Variants in SPIN3 observed in about 807,000 individuals in gnomAD.
The protein encoded by SPIN3 is spindlin family member 3.
For missense variants in SPIN3, 176 were observed against 196.4 expected (o/e 0.90, Z 0.62); for synonymous variants, 74 against 74.3 (o/e 1.00, Z 0.02).
At chrX:56,990,319 T>C (rs192405054), downstream of SPIN3, among the ~76,000 whole-genome samples, 100 of 111,742 alleles carry the variant, frequency 8.9e-4, no homozygotes, top group African/African-American at 3.2e-3. Flanking sequence ...ATTCAAACTA[T>C]GCCTGAAGCC....
chrX:56,994,348 C>A lies in SPIN3; in HGVS notation c.600G>T (p.Arg200Ser), dbSNP rs1179605923. 2 of 1,209,959 alleles carry A rather than the reference C, an allele frequency of 1.7e-6. No homozygotes were observed. The highest frequency in any genetic ancestry group is 3.5e-5 in the African/African-American group (2 of 57,149). The change falls in exon 2 of 2, where the codon AGG (arginine) becomes AGT (serine). Residue 200 changes from arginine to serine, a missense_variant. Arg to Ser is a moderately radical substitution (Grantham distance 110, BLOSUM62 -1). Coordinates refer to ENST00000374919, the MANE Select transcript of SPIN3 (RefSeq NM_001010862.3). ...GGCTGTCTATGACTTCTCCTGGCTC[C>A]CTCTCTGCCAGAGGAGAATCATTGG... Reference protein sequence around the residue: ...QDSNDSPLAEREPGEVIDSLV... With the variant: ...QDSNDSPLAESEPGEVIDSLV...
At chrX:56,988,310 A>G (rs1343261724), downstream of SPIN3, among the ~76,000 whole-genome samples, 1 of 111,346 alleles carries the variant, frequency 9.0e-6, no homozygotes, top group Non-Finnish European at 1.9e-5. Flanking sequence ...AGACGTGGGT[A>G]ATTTGGAACT....
intron 3 of SPIN3, chrX:56,981,903 G>A (rs1375400200): frequency 1.8e-5 from 2 of 111,555 alleles, no homozygotes; most frequent in Non-Finnish European, 3.8e-5. Flanking sequence ...GAATTAATGG[G>A]TCCAAAAGGA....
chrX:56,980,275 A>G (rs1475804751), intron 3 of SPIN3: 1 of 111,351 alleles, frequency 9.0e-6, no homozygotes, highest in Non-Finnish European at 1.9e-5. Context: ...AAAATCCCAA[A>G]CTAACAATTA....
chrX:56,988,141 C>T (rs1289438993), downstream of SPIN3, among the ~76,000 whole-genome samples: 1 of 111,390 alleles, frequency 9.0e-6, no homozygotes, highest in Non-Finnish European at 1.9e-5. Flanking sequence ...ACTTATTCCA[C>T]CCTTTCTTGG....
rs1254765744 is a variant in SPIN3, at chrX:56,994,008, AG to A, written c.*162del. 2.1e-6 allele frequency: 1 copy of A among 470,344 alleles called. No individual in the cohort carries two copies. The highest frequency in any genetic ancestry group is 3.4e-6 in the Non-Finnish European group (1 of 291,677). The allele number at this position is 470,344 out of a possible 1,213,427, so 38.8% of individuals were successfully genotyped here. On this transcript the variant is annotated 3_prime_UTR_variant, in exon 2 of 2. Coordinates refer to ENST00000374919, the MANE Select transcript of SPIN3 (RefSeq NM_001010862.3). ...TGAAAAGGTTGGACAGATGGGCAAA[AG>A]GTTTCTTCCAAAAACGTATGAGAGG...
chrX:56,977,947 A>G (rs1924039768), intron 5 of SPIN3: 1 of 112,061 alleles, frequency 8.9e-6, no homozygotes, highest in African/African-American at 3.2e-5. Flanking sequence ...CAGAACTGTA[A>G]GAAATACATT....
chrX:56,984,555 G>T, intron 2 of SPIN3: 1 of 321,683 alleles, frequency 3.1e-6, no homozygotes, highest in Admixed American at 3.3e-5. Flanking sequence ...GTCACAAAGA[G>T]ATTTATGGGA....
At chrX:56,980,536 G>T (rs1924093906) in intron 3 of SPIN3, 1 of 110,039 alleles carries the variant, frequency 9.1e-6, no homozygotes. Flanking sequence ...GAAAAAAATG[G>T]GGTTGGAATA....
chrX:56,994,439 G>A lies in SPIN3; in HGVS notation c.509C>T (p.Pro170Leu). The A allele has an allele frequency of 1.7e-6, 2 of 1,211,580 alleles. No homozygotes were observed. Reference sequence around the variant, plus strand: ...TAAGAGCTGGTACATATATAATACAGGATCTTTCTCATAGGTAATGTAAAA... The same window carrying A: ...TAAGAGCTGGTACATATATAATACAAGATCTTTCTCATAGGTAATGTAAAA... The part of the protein sequence containing the change: ...TWFYITYEKD[P>L]VLYMYQLLDD... Residue 170 changes from proline (P) to leucine (L), a missense_variant, in exon 2 of 2, where the codon CCT (proline) becomes CTT (leucine). Pro to Leu is a moderately conservative substitution (Grantham distance 98). Transcript: ENST00000374919.
chrX:56,986,084 TA>T (rs1461985113), downstream of SPIN3, among the ~76,000 whole-genome samples: 2 of 111,569 alleles, frequency 1.8e-5, no homozygotes, highest in Non-Finnish European at 1.9e-5. Context: ...TTATTATTAT[TA>T]TTTTTTTAAT....
chrX:56,990,108 T>C (rs939779133), downstream of SPIN3, among the ~76,000 whole-genome samples: 1 of 111,052 alleles, frequency 9.0e-6, no homozygotes, highest in African/African-American at 3.3e-5. Context: ...CCTGAGATTT[T>C]AGTGATTGGT....
chrX:56,995,196 C>T lies in SPIN3; in HGVS notation c.-3+20G>A, dbSNP rs1201379441. 8.8e-6 allele frequency: 3 copies of T among 339,586 alleles called. No homozygotes were observed. The highest frequency in any genetic ancestry group is 5.2e-5 in the African/African-American group (2 of 38,126). 28.0% of individuals were successfully genotyped at this position (339,586 alleles called of 1,213,427 possible). ...ATACGAAGCGTTTCCCCATTCCCCT[C>T]GCCCTGCTTCCAACACTACCCGGCC... On this transcript the variant is annotated intron_variant, in intron 1 of 1. Transcript: ENST00000374919.
rs1408464856 is a variant in SPIN3, at chrX:56,994,208, A to G, written c.740T>C (p.Phe247Ser). 1 of 1,207,756 alleles carries G rather than the reference A, an allele frequency of 8.3e-7. No individual in the cohort carries two copies. Among genetic ancestry groups the G allele is most frequent in the Non-Finnish European group, 1.1e-6 (1 of 894,093 alleles). ...TACCAAATCGTAGACATAGATATGGAAATCATCATCAAATTTGATGAAGTA... is the reference window on the plus strand; with the variant it reads ...TACCAAATCGTAGACATAGATATGGGAATCATCATCAAATTTGATGAAGTA... Reference protein sequence around the residue: ...SVYFIKFDDDFHIYVYDLVKT... With the variant: ...SVYFIKFDDDSHIYVYDLVKT... Residue 247 changes from phenylalanine to serine, a missense_variant, in exon 2 of 2, where the codon TTC (phenylalanine) becomes TCC (serine). Phe to Ser is a radical substitution (Grantham distance 155). Transcript: ENST00000374919.
At position 56,994,636 on chromosome X, in the gene SPIN3, C is replaced by T; in HGVS notation, c.312G>A (p.Val104=). 8.3e-7 allele frequency: 1 copy of T among 1,211,681 alleles called. No individual in the cohort carries two copies. Among genetic ancestry groups the T allele is most frequent in the Non-Finnish European group, 1.1e-6 (1 of 895,330 alleles). ...TATTAGGAAGGACTTCAAGTGATGA[C>T]ACTCTTTCATCTCTGTGAAGTTCCA... ...YGLELHRDER[V]SSLEVLPNRV... Residue 104 remains valine, a synonymous_variant, in exon 2 of 2, where the codon GTG becomes GTA. Transcript: ENST00000374919.
At chrX:56,990,704 G>A (rs1924312471), downstream of SPIN3, 1 of 111,500 alleles carries the variant, frequency 9.0e-6, no homozygotes, top group South Asian at 3.7e-4. Flanking sequence ...TGGACTGGCA[G>A]AAATTGTGGG....
rs1290503201 is a variant in SPIN3, at chrX:56,991,467, A to G, written c.*2704T>C. The stretch of plus-strand genomic sequence containing the variant: ...CATCAAGTTATTCCTCCTCCCAAGC[A>G]TAAGATTGAATGAGTGTAAGAGAAG... On this transcript the variant is annotated 3_prime_UTR_variant, in exon 2 of 2. Transcript: ENST00000374919. 1.8e-5 allele frequency: 2 copies of G among 112,416 alleles called. No homozygotes were observed. Among genetic ancestry groups the G allele is most frequent in the African/African-American group, 3.2e-5 (1 of 30,985 alleles). The allele number at this position is 112,416 out of a possible 1,213,427, so 9.3% of individuals were successfully genotyped here.
At chrX:56,975,319 G>A (rs1923982426), downstream of SPIN3, 2 of 111,052 alleles carry the variant, frequency 1.8e-5, no homozygotes, top group African/African-American at 6.5e-5. Context: ...ACTGGAAGGG[G>A]GGGTGCTTTC....
chrX:56,990,678 T>C (rs770466127), downstream of SPIN3, among the ~76,000 whole-genome samples: 1 of 111,866 alleles, frequency 8.9e-6, no homozygotes, highest in Non-Finnish European at 1.9e-5. Context: ...TTTCACATTC[T>C]ACTTTTGAGA....
Sources: gnomAD v4.1 joint callset for allele counts (sites outside exome capture counted in the v4.1 genomes callset) on GRCh38, gnomAD v4.1.1 for gene constraint, MANE v1.5 for transcripts, NCBI Gene and HGNC (gene_info 2026-07-23, HGNC 2026-07-21) for gene names.